NTRK3: variants seen among roughly 807,000 people sequenced by gnomAD.
The protein encoded by NTRK3 is neurotrophic receptor tyrosine kinase 3, also known as NT-3 growth factor receptor.
Under a neutral mutation model 91.7 loss-of-function variants are expected in NTRK3, and 24 were observed. That is an observed-to-expected ratio of 0.26 (90% confidence interval 0.19 to 0.37). The LOEUF is 0.37. Ranked by LOEUF, NTRK3 falls within the 10% of genes least tolerant of loss-of-function variation. The pLI is 1.00. For missense variants in NTRK3, 880 were observed against 1,068.9 expected, an observed-to-expected ratio of 0.82 and a Z score of 2.46; for synonymous variants, 483 against 404.0, an observed-to-expected ratio of 1.20 and a Z score of -2.34.
chr15:87,927,922 T>A (rs1288330672), intron 17 of NTRK3: 2 of 152,196 alleles, frequency 1.3e-5, no homozygotes, highest in African/African-American at 4.8e-5. Flanking sequence ...ACTCTCCTTA[T>A]AATGTCTATC....
At chr15:88,139,270 A>C (rs2042162577) in intron 6 of NTRK3, among the ~76,000 whole-genome samples, 1 of 152,212 alleles carries the variant, frequency 6.6e-6, no homozygotes, top group Non-Finnish European at 1.5e-5. Flanking sequence ...ATCAATCCAA[A>C]ACTCAGAGTA....
At chr15:88,197,045 G>C (rs150898725) in intron 3 of NTRK3, among the ~76,000 whole-genome samples, 1 of 124,968 alleles carries the variant, frequency 8.0e-6, no homozygotes, top group East Asian at 2.7e-4. Context: ...GGGTTGGCAA[G>C]AGCTAACACA....
rs1491166187 is a variant in NTRK3, at chr15:88,033,176, T to TCATATATATATA, written c.1397-132_1397-131insTATATATATATG. The TCATATATATATA allele has an allele frequency of 5.4e-3, 1,050 of 195,932 alleles. 51 individuals carry two copies. Among genetic ancestry groups the TCATATATATATA allele is most frequent in the Non-Finnish European group, 6.6e-3 (752 of 113,476 alleles). 12.1% of individuals were successfully genotyped at this position (195,932 alleles called of 1,614,324 possible). On this transcript the variant is annotated intron_variant, in intron 13 of 18. Coordinates refer to ENST00000394480, the Ensembl canonical transcript of NTRK3. Reference sequence around the variant, plus strand: ...CTTTTTTTTACTTTTGGGGGGTGTGTTATATATATATATATATATATATAT... The same window carrying TCATATATATATA: ...CTTTTTTTTACTTTTGGGGGGTGTGTCATATATATATATATATATATATATATATATATATAT...
chr15:88,050,094 AT>A (rs891041431), intron 13 of NTRK3, among the ~76,000 whole-genome samples: 5 of 152,108 alleles, frequency 3.3e-5, no homozygotes, highest in Admixed American at 6.5e-5. Context: ...TTGCCCCTGA[AT>A]TTTTTTTAAT....
Position 88,107,205 on chromosome 15 carries a change from G to A in NTRK3, c.1396+19066C>T, listed in dbSNP as rs146632163. On this transcript the variant is annotated intron_variant, in intron 13 of 18. Coordinates refer to ENST00000394480, the Ensembl canonical transcript of NTRK3. ...CATGTGTAATCCCAGCTCTTTGGGA[G>A]GCTGAGGTGAGCAGATCGTTTGAGC... 5.6e-3 allele frequency among the ~76,000 whole-genome samples: 850 copies of A among 152,206 alleles called. 9 individuals are homozygous for A. The highest frequency in any genetic ancestry group is 0.019 in the African/African-American group (807 of 41,520).
At chr15:87,945,862 T>C (rs1474895930) in intron 14 of NTRK3, among the ~76,000 whole-genome samples, 1 of 151,466 alleles carries the variant, frequency 6.6e-6, no homozygotes, top group Non-Finnish European at 1.5e-5. Context: ...CCCTCTTACT[T>C]ACTAATTGAA....
chr15:88,219,455 C>T (rs1388254903), intron 3 of NTRK3, among the ~76,000 whole-genome samples: 2 of 152,238 alleles, frequency 1.3e-5, no homozygotes, highest in Admixed American at 1.3e-4. Context: ...ACCCTTGGGG[C>T]AGAAGGCTGG....
At chr15:88,215,550 G>C (rs1863481) in intron 3 of NTRK3, among the ~76,000 whole-genome samples, 124,003 of 152,244 alleles carry the variant, frequency 0.81, 51,475 homozygotes, top group East Asian at 0.98. Flanking sequence ...GGCAGCTCAG[G>C]GGAGCCAGGC....
At chr15:87,912,780 T>C (rs981659149) in intron 17 of NTRK3, among the ~76,000 whole-genome samples, 9 of 151,818 alleles carry the variant, frequency 5.9e-5, no homozygotes, top group Non-Finnish European at 1.3e-4. Context: ...AGGTCTCTCA[T>C]AGAATACTTA....
At chr15:87,860,397 G>A in exon 19 of NTRK3, 1 of 221,290 alleles carries the variant, frequency 4.5e-6, no homozygotes, top group Non-Finnish European at 9.1e-6. Flanking sequence ...AATAGAGGGT[G>A]GGCACTTGCC....
intron 13 of NTRK3, among the ~76,000 whole-genome samples, chr15:88,080,936 G>A (rs754107913): frequency 6.6e-5 from 10 of 152,346 alleles, no homozygotes; most frequent in Admixed American, 1.3e-4. Flanking sequence ...CTTATGCCTC[G>A]AGAATGAAAG....
intron 5 of NTRK3, among the ~76,000 whole-genome samples, chr15:88,173,005 A>G (rs1384219410): frequency 1.3e-5 from 2 of 152,242 alleles, no homozygotes; most frequent in East Asian, 3.8e-4. Context: ...AGTAGAAACT[A>G]AGAAATATCC....
At chr15:88,139,147 G>C (rs1332978778) in intron 6 of NTRK3, among the ~76,000 whole-genome samples, 1 of 152,194 alleles carries the variant, frequency 6.6e-6, no homozygotes, top group Non-Finnish European at 1.5e-5. Context: ...AAGAATGTTT[G>C]ATAGGGGAAG....
chr15:87,916,442 T>C, intron 17 of NTRK3: 1 of 697,038 alleles, frequency 1.4e-6, no homozygotes, highest in Non-Finnish European at 2.6e-6. Flanking sequence ...CCTTCAGCCT[T>C]TTCCTCTCCT....
chr15:88,092,360 T>C (rs908033391), intron 13 of NTRK3, among the ~76,000 whole-genome samples: 1 of 152,236 alleles, frequency 6.6e-6, no homozygotes, highest in East Asian at 1.9e-4. Flanking sequence ...ACCTGCTGCC[T>C]TTGATCATTA....
chr15:88,012,540 C>T (rs2076954829), intron 14 of NTRK3, among the ~76,000 whole-genome samples: 1 of 152,060 alleles, frequency 6.6e-6, no homozygotes, highest in African/African-American at 2.4e-5. Flanking sequence ...ATCACTGTCA[C>T]AAAAAAGTAT....
chr15:87,865,291 C>T, exon 19 of NTRK3: 2 of 208,918 alleles, frequency 9.6e-6, no homozygotes, highest in Non-Finnish European at 2.0e-5. Context: ...CAAGTAGTCA[C>T]TAATACAGAG....
chr15:88,078,097 C>A (rs34618005), intron 13 of NTRK3, among the ~76,000 whole-genome samples: 109 of 152,328 alleles, frequency 7.2e-4, no homozygotes, highest in Middle Eastern at 6.8e-3. Context: ...CAGAGTTGGA[C>A]AGAAGCTTGA....
intron 5 of NTRK3, among the ~76,000 whole-genome samples, chr15:88,160,655 T>A (rs2044365017): frequency 6.6e-6 from 1 of 152,114 alleles, no homozygotes. Flanking sequence ...CCTAGGGGTG[T>A]CCAGAAGACT....
Sources: gnomAD v4.1 joint callset for allele counts (sites outside exome capture counted in the v4.1 genomes callset) on GRCh38, gnomAD v4.1.1 for gene constraint, MANE v1.5 for transcripts, NCBI Gene and HGNC (gene_info 2026-07-23, HGNC 2026-07-21) for gene names.